The following CCND3 variants were observed in gnomAD, a reference collection of about 807,000 sequenced individuals.
The protein encoded by CCND3 is G1/S-specific cyclin-D3.
A neutral mutation model predicts 28.7 loss-of-function variants in CCND3; 9 were observed. The ratio of observed to expected loss-of-function variants is 0.31; its 90% CI spans 0.19 to 0.55. The LOEUF (loss-of-function observed/expected upper bound fraction) is 0.55, where lower values mean the gene tolerates loss of function less well. CCND3 is among the 20% of genes least tolerant of loss of function. The pLI is 0.93. For synonymous variants in CCND3, 164 were observed against 163.9 expected (o/e 1.00, Z 0.00); for missense variants, 315 against 385.8 (o/e 0.82, Z 1.54).
At chr6:42,005,246 T>C (rs1382154441) in intron 1 of CCND3, among the ~76,000 whole-genome samples, 1 of 152,018 alleles carries the variant, frequency 6.6e-6, no homozygotes, top group South Asian at 2.1e-4. Context: ...AAATTTAACA[T>C]AAAAAATTAC....
At chr6:42,040,347 G>C (rs2127440643) in intron 1 of CCND3, among the ~76,000 whole-genome samples, 1 of 152,302 alleles carries the variant, frequency 6.6e-6, no homozygotes, top group South Asian at 2.1e-4. Context: ...GAACCTAGGA[G>C]GTGGAGGTTG....
At chr6:41,980,355 C>T (rs796720667) in intron 1 of CCND3, among the ~76,000 whole-genome samples, 39 of 152,150 alleles carry the variant, frequency 2.6e-4, no homozygotes, top group African/African-American at 9.1e-4. Flanking sequence ...AGGCTGGTCT[C>T]GAACTGCTGA....
intron 1 of CCND3, among the ~76,000 whole-genome samples, chr6:42,007,689 T>C (rs1175312501): frequency 6.6e-6 from 1 of 152,212 alleles, no homozygotes; most frequent in Non-Finnish European, 1.5e-5. Flanking sequence ...AAATAGCATT[T>C]GTGCAGATTA....
chr6:41,956,529 A>T (rs1776440350), intron 1 of CCND3, among the ~76,000 whole-genome samples: 2 of 152,180 alleles, frequency 1.3e-5, no homozygotes, highest in Non-Finnish European at 2.9e-5. Flanking sequence ...ACACATGTTT[A>T]TGTATGGCAC....
intron 1 of CCND3, among the ~76,000 whole-genome samples, chr6:42,010,464 T>C (rs1763310335): frequency 6.6e-6 from 1 of 152,056 alleles, no homozygotes; most frequent in East Asian, 1.9e-4. Flanking sequence ...AGAGGAAGAA[T>C]GTCCTCATTT....
chr6:42,019,121 C>T (rs757666270), intron 1 of CCND3, among the ~76,000 whole-genome samples: 14 of 151,984 alleles, frequency 9.2e-5, no homozygotes, highest in Non-Finnish European at 1.6e-4. Context: ...AGTATATCAT[C>T]AATGGTATGG....
At chr6:42,010,592 A>G (rs1763315987) in intron 1 of CCND3, among the ~76,000 whole-genome samples, 1 of 152,152 alleles carries the variant, frequency 6.6e-6, no homozygotes, top group Non-Finnish European at 1.5e-5. Flanking sequence ...ACACTGCAGC[A>G]GGGCCGGGTT....
chr6:41,985,201 T>C (rs1022075942), intron 1 of CCND3, among the ~76,000 whole-genome samples: 3 of 152,062 alleles, frequency 2.0e-5, no homozygotes, highest in African/African-American at 7.2e-5. Flanking sequence ...CCTATGTCAT[T>C]ATGGGGCCAT....
intron 1 of CCND3, among the ~76,000 whole-genome samples, chr6:42,003,162 C>CAA (rs55721061): frequency 0.64 from 70,209 of 109,566 alleles, 19,921 homozygotes; most frequent in South Asian, 0.69. Context: ...AACAGCGTGT[C>CAA]AAAAAAAAAA....
At chr6:41,947,348 T>C (rs993062032) in intron 1 of CCND3, among the ~76,000 whole-genome samples, 10 of 152,242 alleles carry the variant, frequency 6.6e-5, no homozygotes, top group Non-Finnish European at 1.3e-4. Context: ...CATTTTATAC[T>C]GGAGGCTGCC....
At chr6:42,006,634 C>T (rs554109148) in intron 1 of CCND3, among the ~76,000 whole-genome samples, 181 of 152,174 alleles carry the variant, frequency 1.2e-3, no homozygotes, top group Non-Finnish European at 2.3e-3. Context: ...GGCAGCCAGG[C>T]GCGGTGGCCC....
intron 1 of CCND3, 106 bp from the exon 2 acceptor site, chr6:41,940,691 G>C (rs183735118): frequency 1.2e-6 from 1 of 826,500 alleles, no homozygotes; most frequent in South Asian, 1.4e-5. Flanking sequence ...AAACGGCAGA[G>C]AGGGTAAGCT....
chr6:41,937,295 G>A lies in CCND3; in HGVS notation c.514C>T (p.Arg172Cys), dbSNP rs138467679. 32 of 1,614,048 alleles carry A rather than the reference G, an allele frequency of 2.0e-5. No individual in the cohort carries two copies. The highest frequency in any genetic ancestry group is 1.0e-4 in the Admixed American group (6 of 59,998). ...TTTTTGACCAAGGCCTGTCGGTCAC[G>A]GGGCAGAGAGAGCCGGTGCAGAATG... is the stretch of plus-strand genomic sequence containing the variant. ...AFILHRLSLP[R>C]DRQALVKKHA... Residue 172 changes from arginine to cysteine, a missense_variant, in exon 3 of 5, where the codon CGT becomes TGT. Transcript: ENST00000372991.
In CCND3 at chr6:41,938,497, C is replaced by T. The variant is rs142963227; in HGVS notation, c.415-1103G>A. On this transcript the variant is annotated intron_variant, in intron 2 of 4. Coordinates refer to ENST00000372991, the MANE Select transcript of CCND3 (RefSeq NM_001760.5). This position sits in a 1 kb window ranked among gnomAD's most constrained non-coding sequence, Gnocchi z 4.6. ...ATAAATTACAACGCTACCCCTAGTGCATGTCCCAGGAGCCAACTCCTAACT... is the reference window on the plus strand; with the variant it reads ...ATAAATTACAACGCTACCCCTAGTGTATGTCCCAGGAGCCAACTCCTAACT... Among the ~76,000 whole-genome samples the T allele has an allele frequency of 2.5e-3, 388 of 152,288 alleles. 3 individuals carry two copies. The highest frequency in any genetic ancestry group is 8.8e-3 in the African/African-American group (367 of 41,542).
intron 1 of CCND3, among the ~76,000 whole-genome samples, chr6:41,960,818 A>C (rs943386487): frequency 1.3e-5 from 2 of 152,208 alleles, no homozygotes; most frequent in Non-Finnish European, 2.9e-5. Context: ...GGCTGGCCTC[A>C]ACGTCCAAGC....
intron 1 of CCND3, among the ~76,000 whole-genome samples, chr6:41,989,731 A>G (rs561065619): frequency 1.4e-4 from 21 of 152,180 alleles, no homozygotes; most frequent in Non-Finnish European, 2.6e-4. Flanking sequence ...GCTGGTGGGA[A>G]TGCAAAATGG....
At chr6:41,980,076 C>G (rs1762298802) in intron 1 of CCND3, among the ~76,000 whole-genome samples, 1 of 143,502 alleles carries the variant, frequency 7.0e-6, no homozygotes. Context: ...CTCTATCTAT[C>G]TTAAAAGACA....
At position 41,955,651 on chromosome 6, in the gene CCND3, C is replaced by CAAA. The variant is rs35334493; in HGVS notation, c.-45-15069_-45-15067dup. Among the ~76,000 whole-genome samples, 77 of 113,538 alleles carry CAAA rather than the reference C, an allele frequency of 6.8e-4. 1 individual carries two copies. The East Asian group carries it at 9.3e-3, about 14-fold the overall frequency. 74.5% of individuals were successfully genotyped at this position (113,538 alleles called of 152,430 possible). On this transcript the variant is annotated intron_variant, in intron 1 of 4. Transcript: ENST00000372988. ...AGCCGGCATGGTGACCCTATCTCTACAAAAAAAAAAAAAAAAAATTAGCCA... is the reference window on the plus strand; with the variant it reads ...AGCCGGCATGGTGACCCTATCTCTACAAAAAAAAAAAAAAAAAAAAATTAGCCA...
intron 1 of CCND3, among the ~76,000 whole-genome samples, chr6:41,962,225 CCAGT>C (rs1341801098): frequency 6.6e-6 from 1 of 152,136 alleles, no homozygotes; most frequent in Non-Finnish European, 1.5e-5. Flanking sequence ...CTCAGCCTCC[CCAGT>C]AGCTGGGATT....
Sources: gnomAD v4.1 joint callset for allele counts (sites outside exome capture counted in the v4.1 genomes callset) on GRCh38, gnomAD v4.1.1 for gene constraint, Gnocchi (gnomAD v3.1) non-coding constraint, MANE v1.5 for transcripts, NCBI Gene and HGNC (gene_info 2026-07-23, HGNC 2026-07-21) for gene names.